UBE4A: variants seen among roughly 807,000 people sequenced by gnomAD.
UBE4A encodes ubiquitin conjugation factor E4 A.
A neutral mutation model predicts 117.9 loss-of-function variants in UBE4A; 48 were observed. The observed-to-expected ratio is 0.41, with a 90% CI of 0.32 to 0.52. The LOEUF (loss-of-function observed/expected upper bound fraction) is 0.52, where lower values mean the gene tolerates loss of function less well. Ranked by LOEUF, UBE4A falls within the 20% of genes least tolerant of loss-of-function variation. The probability of loss-of-function intolerance (pLI) is 0.33; values close to 1 mark genes in which losing one functional copy is unlikely to be tolerated. For missense variants in UBE4A, 1,067 were observed against 1,296.3 expected (o/e 0.82, Z 2.72); for synonymous variants, 407 against 450.0 (o/e 0.90, Z 1.21).
intron 16 of UBE4A, among the ~76,000 whole-genome samples, chr11:118,387,440 A>G (rs1267477740): frequency 6.6e-6 from 1 of 152,222 alleles, no homozygotes; most frequent in Non-Finnish European, 1.5e-5. Context: ...GAACTCTTCT[A>G]TGAACGTAGA....
At position 118,373,185 on chromosome 11, in the gene UBE4A, A is replaced by G. The variant is rs1565531612; in HGVS notation, c.821A>G (p.Asp274Gly). Residue 274 changes from aspartate (D) to glycine (G), a missense_variant, in exon 7 of 20, where the codon GAT becomes GGT. Transcript: ENST00000252108. The part of the protein sequence containing the change: ...TFPEVMIPVF[D>G]ILLGRIKDLE... ...CCAGAAGTCATGATTCCAGTGTTTG[A>G]TATTTTATTGGGCCGAATAAAAGAT... is the stretch of plus-strand genomic sequence containing the variant. 1.2e-6 allele frequency: 2 copies of G among 1,613,958 alleles called. No individual in the cohort carries two copies. Among genetic ancestry groups the G allele is most frequent in the Non-Finnish European group, 1.7e-6 (2 of 1,179,996 alleles).
chr11:118,360,986 A>ATG (rs10624453), intron 1 of UBE4A, among the ~76,000 whole-genome samples: 31,003 of 140,632 alleles, frequency 0.22, 3,912 homozygotes, highest in East Asian at 0.51. Context: ...GTATGTATAT[A>ATG]TGTGTGTGTG....
rs782449568 is a variant in UBE4A, at chr11:118,386,607, C to T, written c.2582C>T (p.Thr861Ile). Residue 861 changes from threonine (T) to isoleucine (I), a missense_variant, in exon 16 of 20, where the codon ACA (threonine) becomes ATA (isoleucine). Physicochemically the swap from Thr to Ile is moderately conservative, Grantham distance 89. This residue lies in a region of UBE4A where 1,001 missense variants were observed against 1,184.0 expected (regional missense o/e 0.85). Transcript: ENST00000252108. ...NETIGTLAFLTSEIKSLFVHP... is the reference protein window; with the variant it reads ...NETIGTLAFLISEIKSLFVHP... The stretch of plus-strand genomic sequence containing the variant: ...ACAATCGGTACCCTTGCCTTTCTCA[C>T]ATCAGGTAAGGACATGAAGTACTGC... 1 of 1,569,942 alleles carries T rather than the reference C, an allele frequency of 6.4e-7. No homozygotes were observed. Among genetic ancestry groups the T allele is most frequent in the Non-Finnish European group, 8.6e-7 (1 of 1,162,906 alleles).
chr11:118,377,037 AG>A lies in UBE4A; in HGVS notation c.1571+344del, dbSNP rs1591299836. ...AACTGTACTCCATCCTGGGTGACAG[AG>A]TGATAACCTGTTTCTTAAAAAAAAA... On this transcript the variant is annotated intron_variant, in intron 10 of 19. Transcript: ENST00000252108. Among the ~76,000 whole-genome samples the A allele has an allele frequency of 2.6e-5, 4 of 151,932 alleles. No individual in the cohort carries two copies. The East Asian group carries it at 7.7e-4, about 29-fold the overall frequency.
In UBE4A at chr11:118,396,363, C is replaced by T. The variant is rs138102263; in HGVS notation, c.3124C>T (p.Arg1042Trp). 5.8e-5 allele frequency: 93 copies of T among 1,613,734 alleles called. No homozygotes were observed. The East Asian group carries it at 1.6e-3, about 27-fold the overall frequency. ...NRSPLTMDQI[R>W]PNTELKEKIQ... ...TAGTCCCCTCACCATGGACCAGATC[C>T]GGCCAAACACAGAACTAAAAGAAAA... Residue 1042 changes from arginine to tryptophan, a missense_variant, in exon 20 of 20, where the codon CGG becomes TGG. Arg to Trp is a moderately radical substitution (Grantham distance 101). Transcript: ENST00000252108.
At chr11:118,373,021 G>A in intron 6 of UBE4A, 65 bp from the exon 7 acceptor site, 1 of 1,367,330 alleles carries the variant, frequency 7.3e-7, no homozygotes, top group Non-Finnish European at 1.0e-6. Flanking sequence ...AAAGTAAAGA[G>A]CTAGTGTGTA....
intron 2 of UBE4A, among the ~76,000 whole-genome samples, chr11:118,367,865 A>G (rs958343169): frequency 6.6e-6 from 1 of 152,182 alleles, no homozygotes; most frequent in African/African-American, 2.4e-5. Flanking sequence ...AATTTATCCT[A>G]TAGAAATACT....
chr11:118,393,042 A>C, intron 19 of UBE4A, 147 bp downstream of exon 19: 1 of 772,042 alleles, frequency 1.3e-6, no homozygotes, highest in Non-Finnish European at 2.0e-6. Flanking sequence ...TTTTGGTTTC[A>C]ATTGCTAGGA....
chr11:118,367,065 G>A (rs1006148879), intron 2 of UBE4A, among the ~76,000 whole-genome samples: 4 of 152,002 alleles, frequency 2.6e-5, no homozygotes, highest in Admixed American at 6.6e-5. Context: ...TTAGCCGGGC[G>A]TGGTGGTGGG....
intron 4 of UBE4A, among the ~76,000 whole-genome samples, chr11:118,370,597 G>A (rs1948601017): frequency 6.6e-6 from 1 of 151,772 alleles, no homozygotes; most frequent in South Asian, 2.1e-4. Context: ...CTCCAGCCTG[G>A]GCGACAGAGC....
intron 1 of UBE4A, among the ~76,000 whole-genome samples, chr11:118,361,660 G>A (rs1450205044): frequency 6.6e-6 from 1 of 152,152 alleles, no homozygotes; most frequent in Non-Finnish European, 1.5e-5. Context: ...GATGACAACA[G>A]AGACTTATTT....
Position 118,376,642 on chromosome 11 carries a change from G to A in UBE4A, c.1519G>A (p.Val507Ile). The change falls in exon 10 of 20, where the codon GTA becomes ATA. Residue 507 changes from valine to isoleucine, a missense_variant. By Grantham distance (29) the Val-to-Ile change is conservative. Transcript: ENST00000252108. ...EPKFPQNYNL[V>I]TENLALTEYT... ...GAAGTTTCCACAGAACTACAACCTT[G>A]TAACAGAGAACCTTGCTCTGACAGA... The A allele has an allele frequency of 6.2e-7, 1 of 1,613,828 alleles. No individual in the cohort carries two copies. The highest frequency in any genetic ancestry group is 1.3e-5 in the African/African-American group (1 of 74,932).
At chr11:118,384,013 A>G (rs1309219633) in intron 13 of UBE4A, among the ~76,000 whole-genome samples, 1 of 152,164 alleles carries the variant, frequency 6.6e-6, no homozygotes, top group African/African-American at 2.4e-5. Context: ...TTTATTTCTG[A>G]GGAAGTGGAA....
chr11:118,373,406 G>T (rs536444555), intron 7 of UBE4A, 88 bp from the exon 8 acceptor site: 2 of 1,523,512 alleles, frequency 1.3e-6, no homozygotes, highest in South Asian at 2.5e-5. Flanking sequence ...CTTGGTTGTT[G>T]TATCAACTTA....
intron 6 of UBE4A, 69 bp downstream of exon 6, chr11:118,372,735 A>G (rs1042012973): frequency 6.3e-7 from 1 of 1,599,020 alleles, no homozygotes; most frequent in Non-Finnish European, 8.5e-7. Flanking sequence ...CACTAATTGC[A>G]TTAGAAAGTC....
At position 118,375,081 on chromosome 11, in the gene UBE4A, C is replaced by G. The variant is rs1555125154; in HGVS notation, c.1302C>G (p.Phe434Leu). 2.5e-6 allele frequency: 4 copies of G among 1,614,120 alleles called. No homozygotes were observed. Among genetic ancestry groups the G allele is most frequent in the African/African-American group, 1.3e-5 (1 of 74,942 alleles). ...IFFQMYASDA[F>L]FLNLGAALLK... The stretch of plus-strand genomic sequence containing the variant: ...TCCAAATGTATGCCTCAGATGCTTT[C>G]TTTCTGAATCTGGGTGCTGCTCTCC... The change falls in exon 9 of 20, where the codon TTC becomes TTG. Residue 434 changes from phenylalanine (F) to leucine (L), a missense_variant. Physicochemically the swap from Phe to Leu is conservative, Grantham distance 22. Transcript: ENST00000252108.
At chr11:118,384,547 G>A (rs1383520936) in intron 13 of UBE4A, 88 bp from the exon 14 acceptor site, 1 of 1,239,050 alleles carries the variant, frequency 8.1e-7, no homozygotes, top group South Asian at 1.3e-5. Flanking sequence ...AAAAGCAAAT[G>A]ACTACAAAGC....
At position 118,398,257 on chromosome 11, in the gene UBE4A, T is replaced by C. The variant is rs1180775299; in HGVS notation, c.*1817T>C. ...AAGGCAGCTATTCCCAGCAGCTTCC[T>C]AGTTAACAACCCCCATGCTGCCTCC... On this transcript the variant is annotated 3_prime_UTR_variant, in exon 20 of 20. Coordinates refer to ENST00000252108, the MANE Select transcript of UBE4A (RefSeq NM_001204077.2). 1.3e-5 allele frequency: 2 copies of C among 152,540 alleles called. No homozygotes were observed. Among genetic ancestry groups the C allele is most frequent in the African/African-American group, 2.4e-5 (1 of 41,464 alleles). 9.4% of individuals were successfully genotyped at this position (152,540 alleles called of 1,614,324 possible).
chr11:118,364,705 T>A (rs1948548872), intron 1 of UBE4A, among the ~76,000 whole-genome samples: 2 of 152,142 alleles, frequency 1.3e-5, no homozygotes, highest in Non-Finnish European at 2.9e-5. Context: ...AATTAGTAGG[T>A]GAGTTCTCTC....
Sources: gnomAD v4.1 joint callset for allele counts (sites outside exome capture counted in the v4.1 genomes callset) on GRCh38, gnomAD v4.1.1 for gene constraint, gnomAD v4.1.1 regional missense constraint, MANE v1.5 for transcripts, NCBI Gene and HGNC (gene_info 2026-07-23, HGNC 2026-07-21) for gene names.